Variants in NGEF observed in about 807,000 individuals in gnomAD.
The protein encoded by NGEF is neuronal guanine nucleotide exchange factor.
Under a neutral mutation model 80.9 loss-of-function variants are expected in NGEF, and 31 were observed. That is an observed-to-expected ratio of 0.38 (90% CI 0.29 to 0.52). NGEF has a LOEUF of 0.52. NGEF is among the 20% of genes least tolerant of loss of function. The pLI is 0.84. For missense variants in NGEF, 709 were observed against 926.2 expected, an observed-to-expected ratio of 0.77 and a Z score of 3.04; for synonymous variants, 371 against 370.2, an observed-to-expected ratio of 1.00 and a Z score of -0.03.
intron 1 of NGEF, among the ~76,000 whole-genome samples, chr2:232,999,935 C>T (rs1694934282): frequency 6.6e-6 from 1 of 152,214 alleles, no homozygotes; most frequent in African/African-American, 2.4e-5. Flanking sequence ...AAAATGACAA[C>T]ACTAATATTG....
chr2:232,995,744 A>T (rs1476140181), intron 1 of NGEF, among the ~76,000 whole-genome samples: 1 of 146,082 alleles, frequency 6.8e-6, no homozygotes, highest in African/African-American at 2.5e-5. Flanking sequence ...ATACATATGC[A>T]CAATATGTAT....
chr2:232,927,744 G>C, intron 3 of NGEF: 1 of 431,554 alleles, frequency 2.3e-6, no homozygotes, highest in Non-Finnish European at 3.8e-6. Context: ...GGGCCCGACG[G>C]GGCCCGGGGG....
chr2:232,920,405 A>G lies in NGEF; in HGVS notation c.707T>C (p.Leu236Pro). The change falls in exon 5 of 15, where the codon CTG (leucine) becomes CCG (proline). Residue 236 changes from leucine (L) to proline (P), a missense_variant. Leu to Pro is a moderately conservative substitution (Grantham distance 98). Coordinates refer to ENST00000264051, the MANE Select transcript of NGEF (RefSeq NM_019850.3). Reference protein sequence around the residue: ...EPASPPERKTLPQICLLSNPH... With the variant: ...EPASPPERKTPPQICLLSNPH... ...GTTACTGAGCAGGCAGATCTGGGGC[A>G]GAGTCTTCCTCTCTGGTGGGCTGGC... 3.1e-6 allele frequency: 5 copies of G among 1,614,036 alleles called. No individual in the cohort carries two copies. The highest frequency in any genetic ancestry group is 4.2e-6 in the Non-Finnish European group (5 of 1,179,982).
chr2:232,879,441 G>A lies in NGEF; in HGVS notation c.*48C>T. The A allele has an allele frequency of 7.8e-7, 1 of 1,281,398 alleles. No homozygotes were observed. The highest frequency in any genetic ancestry group is 1.1e-6 in the Non-Finnish European group (1 of 927,642). 79.4% of individuals were successfully genotyped at this position (1,281,398 alleles called of 1,614,324 possible). A position where few individuals can be genotyped will look rare whatever the true frequency, so the allele number is the denominator to read the frequency against. ...CAGAGCCCCCCCCCCCCCACCTTCT[G>A]TCGGGGTCTCATGCAGGCCCTGCTC... is the stretch of plus-strand genomic sequence containing the variant. On this transcript the variant is annotated 3_prime_UTR_variant, in exon 15 of 15. Transcript: ENST00000264051.
chr2:232,971,798 C>T (rs1694190388), intron 2 of NGEF, among the ~76,000 whole-genome samples: 1 of 152,226 alleles, frequency 6.6e-6, no homozygotes, highest in South Asian at 2.1e-4. Context: ...ATCCTTGGCT[C>T]AGCTTGGGGA....
chr2:232,925,751 C>T (rs1438105137), intron 4 of NGEF, among the ~76,000 whole-genome samples: 2 of 152,148 alleles, frequency 1.3e-5, no homozygotes, highest in African/African-American at 2.4e-5. Flanking sequence ...GATGTGGCAG[C>T]GTGGCAGAGC....
In NGEF at chr2:232,881,145, C is replaced by G; in HGVS notation, c.1942+1G>C. ...CCCGAGGGGAGGTCCCTGGGCCTCA[C>G]CGTCGTCAGTCTTGTCCAGGATGTT... On this transcript the variant is annotated splice_donor_variant, in intron 14 of 14. Coordinates refer to ENST00000264051, the MANE Select transcript of NGEF (RefSeq NM_019850.3). LOFTEE classifies it high-confidence loss of function. The G allele has an allele frequency of 6.2e-7, 1 of 1,611,988 alleles. No individual in the cohort carries two copies. Among genetic ancestry groups the G allele is most frequent in the Non-Finnish European group, 8.5e-7 (1 of 1,179,898 alleles).
chr2:233,008,449 C>T (rs1361087500), intron 1 of NGEF, among the ~76,000 whole-genome samples: 1 of 152,204 alleles, frequency 6.6e-6, no homozygotes. Context: ...GCCTGAAAGA[C>T]TGATACAAGC....
intron 5 of NGEF, among the ~76,000 whole-genome samples, chr2:232,898,759 A>C (rs1229726211): frequency 2.0e-5 from 3 of 152,364 alleles, no homozygotes; most frequent in Admixed American, 2.0e-4. Context: ...CTGTGAACAC[A>C]GCAAGACTGG....
At chr2:232,902,358 C>A (rs746925626) in intron 5 of NGEF, among the ~76,000 whole-genome samples, 1 of 152,194 alleles carries the variant, frequency 6.6e-6, no homozygotes, top group African/African-American at 2.4e-5. Flanking sequence ...CCCGCTGCAG[C>A]GCAGTCTTTA....
At chr2:232,905,137 TC>T (rs569672539) in intron 5 of NGEF, among the ~76,000 whole-genome samples, 146 of 152,040 alleles carry the variant, frequency 9.6e-4, no homozygotes, top group Middle Eastern at 3.4e-3. Flanking sequence ...TTCCACGGTC[TC>T]CCTCTCATGC....
At chr2:232,957,340 T>G (rs1693851928) in intron 3 of NGEF, among the ~76,000 whole-genome samples, 2 of 152,114 alleles carry the variant, frequency 1.3e-5, no homozygotes, top group Admixed American at 1.3e-4. Context: ...ATTATTATTT[T>G]GAGATGGAGT....
In NGEF at chr2:233,006,129, G is replaced by A. The variant is rs137891837; in HGVS notation, c.-75+6939C>T. ...CTGCGCCTGGCCTGCATTGTTTTAA[G>A]CCACAGTTTGTGGTAATTTTTGACA... On this transcript the variant is annotated intron_variant, in intron 1 of 14. Coordinates refer to ENST00000264051, the MANE Select transcript of NGEF (RefSeq NM_019850.3). Among the ~76,000 whole-genome samples the A allele has an allele frequency of 5.2e-3, 798 of 152,248 alleles. 8 individuals are homozygous for A. Among genetic ancestry groups the A allele is most frequent in the African/African-American group, 0.018 (758 of 41,548 alleles).
rs915246500 is a variant in NGEF, at chr2:232,883,090, C to T, written c.1757+221G>A. 6.6e-5 allele frequency among the ~76,000 whole-genome samples: 10 copies of T among 152,230 alleles called. No homozygotes were observed. In the South Asian group the frequency reaches 1.5e-3, roughly 22 times the overall value. ...ACACACACACACACACACGCACACA[C>T]GCACACACGTACACGCGTACACGCA... On this transcript the variant is annotated intron_variant, in intron 12 of 14. Coordinates refer to ENST00000264051, the MANE Select transcript of NGEF (RefSeq NM_019850.3).
intron 8 of NGEF, among the ~76,000 whole-genome samples, chr2:232,889,509 G>C (rs1204268947): frequency 1.3e-5 from 2 of 151,890 alleles, no homozygotes; most frequent in Non-Finnish European, 2.9e-5. Flanking sequence ...TCTTACTGTT[G>C]GTTTTCATCT....
chr2:232,924,118 T>G (rs941450935), intron 4 of NGEF, among the ~76,000 whole-genome samples: 2 of 152,020 alleles, frequency 1.3e-5, no homozygotes, highest in Non-Finnish European at 2.9e-5. Flanking sequence ...GCACCTGTAA[T>G]CCCAGCTACT....
intron 9 of NGEF, 124 bp from the exon 10 acceptor site, chr2:232,885,493 A>T (rs1691649144): frequency 1.3e-6 from 1 of 766,080 alleles, no homozygotes; most frequent in South Asian, 1.6e-5. Flanking sequence ...CCCACAGCTG[A>T]GGCTGGCTGG....
intron 4 of NGEF, among the ~76,000 whole-genome samples, chr2:232,922,676 A>C (rs1461064866): frequency 6.6e-6 from 1 of 152,248 alleles, no homozygotes; most frequent in African/African-American, 2.4e-5. Flanking sequence ...GGTTTAAAGA[A>C]ACCAAGTTTC....
At chr2:232,994,931 G>GAT (rs1205103714) in intron 1 of NGEF, among the ~76,000 whole-genome samples, 1 of 85,434 alleles carries the variant, frequency 1.2e-5, no homozygotes, top group Non-Finnish European at 2.2e-5. Flanking sequence ...TACATACATG[G>GAT]ATATATACAC....
Sources: gnomAD v4.1 joint callset for allele counts (sites outside exome capture counted in the v4.1 genomes callset) on GRCh38, gnomAD v4.1.1 for gene constraint, MANE v1.5 for transcripts, NCBI Gene and HGNC (gene_info 2026-07-23, HGNC 2026-07-21) for gene names.